Variants in RBFOX1 observed in about 807,000 individuals in gnomAD.
RBFOX1 encodes RNA binding protein fox-1 homolog 1.
RBFOX1 carries 8 observed loss-of-function variants against 57.7 expected under a neutral mutation model. That is an observed-to-expected ratio of 0.14 (90% confidence interval 0.08 to 0.25). The LOEUF is 0.25. RBFOX1 is among the 10% of genes least tolerant of loss of function. RBFOX1 has a pLI of 1.00. For missense variants in RBFOX1, 611 were observed against 548.5 expected (o/e 1.11, Z -1.14); for synonymous variants, 326 against 222.4 (o/e 1.47, Z -4.15).
intron 2 of RBFOX1, among the ~76,000 whole-genome samples, chr16:5,527,643 G>A (rs925707960): frequency 2.0e-5 from 3 of 152,118 alleles, no homozygotes; most frequent in African/African-American, 7.2e-5. Context: ...CCCATTGGAG[G>A]GCAGGGTTTA....
chr16:7,678,323 G>T (rs530183528), intron 14 of RBFOX1, among the ~76,000 whole-genome samples: 1 of 152,100 alleles, frequency 6.6e-6, no homozygotes, highest in African/African-American at 2.4e-5. Flanking sequence ...AAAGTAGAGA[G>T]GGTCAATAAG....
chr16:5,801,746 G>C (rs912471444), intron 3 of RBFOX1, among the ~76,000 whole-genome samples: 2 of 148,602 alleles, frequency 1.3e-5, no homozygotes, highest in African/African-American at 5.2e-5. Flanking sequence ...CAACAACATA[G>C]GTTTTTTGTG....
chr16:7,182,298 G>C (rs895288793), intron 4 of RBFOX1, among the ~76,000 whole-genome samples: 1 of 151,964 alleles, frequency 6.6e-6, no homozygotes, highest in African/African-American at 2.4e-5. Context: ...GTTGAATTCC[G>C]AGAGTCACCT....
At chr16:6,638,501 C>T (rs76880178) in intron 2 of RBFOX1, among the ~76,000 whole-genome samples, 5,409 of 152,230 alleles carry the variant, frequency 0.036, 143 homozygotes, top group Non-Finnish European at 0.058. Context: ...AAATATGCTT[C>T]TGGCATATTA....
chr16:6,081,486 C>G (rs143626648), intron 1 of RBFOX1, among the ~76,000 whole-genome samples: 23 of 152,234 alleles, frequency 1.5e-4, no homozygotes, highest in African/African-American at 5.1e-4. Flanking sequence ...TTTCTTCCTC[C>G]TCTTCCCCTT....
intron 4 of RBFOX1, among the ~76,000 whole-genome samples, chr16:7,226,412 C>A (rs1055628868): frequency 9.9e-5 from 15 of 152,094 alleles, no homozygotes; most frequent in African/African-American, 3.6e-4. Flanking sequence ...CACTACAGGC[C>A]CTCAGTTAAA....
At chr16:6,359,046 A>G (rs1477095053) in intron 2 of RBFOX1, among the ~76,000 whole-genome samples, 3 of 152,102 alleles carry the variant, frequency 2.0e-5, no homozygotes, top group Non-Finnish European at 4.4e-5. Context: ...TTAATCCCTA[A>G]TAACAAATGC....
At chr16:6,570,770 T>G (rs749698358) in intron 2 of RBFOX1, among the ~76,000 whole-genome samples, 1 of 152,202 alleles carries the variant, frequency 6.6e-6, no homozygotes, top group Non-Finnish European at 1.5e-5. Context: ...TGTTTAAGTG[T>G]GGAAATAGCT....
chr16:6,925,491 C>A (rs1477043799), intron 3 of RBFOX1, among the ~76,000 whole-genome samples: 1 of 144,496 alleles, frequency 6.9e-6, no homozygotes, highest in Non-Finnish European at 1.5e-5. Flanking sequence ...TTGTCCTATC[C>A]ACCCTATTCC....
chr16:7,599,529 G>C (rs2094895742), intron 9 of RBFOX1, among the ~76,000 whole-genome samples: 1 of 152,088 alleles, frequency 6.6e-6, no homozygotes, highest in African/African-American at 2.4e-5. Flanking sequence ...CATTATGTGA[G>C]GCATTTTAAG....
At chr16:5,913,325 C>G (rs2058643065) in intron 4 of RBFOX1, among the ~76,000 whole-genome samples, 1 of 152,180 alleles carries the variant, frequency 6.6e-6, no homozygotes, top group Admixed American at 6.6e-5. Context: ...TATTCATCCC[C>G]TCCAAATCTC....
chr16:5,338,766 C>T (rs116994114), intron 1 of RBFOX1, among the ~76,000 whole-genome samples: 2,693 of 152,208 alleles, frequency 0.018, 26 homozygotes, highest in South Asian at 0.045. Flanking sequence ...TCAGGCAATC[C>T]CCACTTTAGC....
At chr16:7,235,196 T>TTGGC (rs2152939519) in intron 4 of RBFOX1, among the ~76,000 whole-genome samples, 1 of 152,332 alleles carries the variant, frequency 6.6e-6, no homozygotes, top group South Asian at 2.1e-4. Context: ...CTTTAAAATG[T>TTGGC]TGACATTCCT....
chr16:6,659,465 A>T (rs1166954173), intron 3 of RBFOX1, among the ~76,000 whole-genome samples: 1 of 152,138 alleles, frequency 6.6e-6, no homozygotes, highest in East Asian at 1.9e-4. Context: ...CTTCTTCCAG[A>T]TCAGGTATCT....
At chr16:5,519,704 G>A (rs2043937245) in intron 2 of RBFOX1, among the ~76,000 whole-genome samples, 1 of 152,198 alleles carries the variant, frequency 6.6e-6, no homozygotes, top group Non-Finnish European at 1.5e-5. Context: ...CAGCCTGAAT[G>A]ATAGAGTGAG....
At chr16:5,348,544 G>C (rs1362660989) in intron 1 of RBFOX1, among the ~76,000 whole-genome samples, 4 of 152,110 alleles carry the variant, frequency 2.6e-5, no homozygotes. Context: ...GAGGAGCCTG[G>C]GTTCAAACCT....
chr16:5,683,241 A>G (rs1182327906), intron 3 of RBFOX1, among the ~76,000 whole-genome samples: 1 of 152,122 alleles, frequency 6.6e-6, no homozygotes, highest in Non-Finnish European at 1.5e-5. Flanking sequence ...TTCGAAAAAT[A>G]GTAATGTGCA....
rs756748924 is a variant in RBFOX1, at chr16:7,518,314, G to A, written c.195G>A (p.Leu65=). 1.2e-6 allele frequency: 2 copies of A among 1,614,046 alleles called. No individual in the cohort carries two copies. Among genetic ancestry groups the A allele is most frequent in the South Asian group, 2.2e-5 (2 of 91,046 alleles). ...QTTVPEHTLN[L]YPPAQTHSEQ... ...CGGTTCCCGAGCACACATTAAACCT[G>A]TACCCTCCCGCCCAGACGCACTCCG... Residue 65 remains leucine, a synonymous_variant, in exon 5 of 16, where the codon CTG becomes CTA. Coordinates refer to ENST00000550418, the MANE Select transcript of RBFOX1 (RefSeq NM_018723.4).
intron 3 of RBFOX1, among the ~76,000 whole-genome samples, chr16:6,720,400 C>T (rs540930445): frequency 2.0e-5 from 3 of 152,260 alleles, no homozygotes; most frequent in South Asian, 2.1e-4. Flanking sequence ...AACTGTGAAC[C>T]ATGTAAATCT....
Sources: allele counts gnomAD v4.1 joint callset (sites outside exome capture counted in the v4.1 genomes callset), GRCh38; gene constraint gnomAD v4.1.1; transcripts MANE v1.5; gene names NCBI Gene and HGNC (gene_info 2026-07-23, HGNC 2026-07-21).